SLC35F1: variants seen among roughly 807,000 people sequenced by gnomAD.
SLC35F1 encodes the protein solute carrier family 35 member F1.
Under a neutral mutation model 48.7 loss-of-function variants are expected in SLC35F1, and 14 were observed. That is an observed-to-expected ratio of 0.29 (90% CI 0.19 to 0.45). The LOEUF is 0.45. Ranked by LOEUF, SLC35F1 falls within the 20% of genes least tolerant of loss-of-function variation. The probability of loss-of-function intolerance (pLI) is 1.00; values close to 1 mark genes in which losing one functional copy is unlikely to be tolerated. For synonymous variants in SLC35F1, 190 were observed against 202.2 expected, an observed-to-expected ratio of 0.94 and a Z score of 0.51; for missense variants, 404 against 500.0, an observed-to-expected ratio of 0.81 and a Z score of 1.83.
chr6:118,235,613 T>A lies in SLC35F1; in HGVS notation c.454T>A (p.Tyr152Asn). 6.2e-7 allele frequency: 1 copy of A among 1,613,482 alleles called. No homozygotes were observed. The highest frequency in any genetic ancestry group is 8.5e-7 in the Non-Finnish European group (1 of 1,179,624). ...ANYLVVKAYQ[Y>N]TTLTSIQLLD... The stretch of plus-strand genomic sequence containing the variant: ...TTATCTGGTGGTCAAGGCTTACCAA[T>A]ACACAACTCTGACCAGTATCCAGGT... Residue 152 changes from tyrosine (Y) to asparagine (N), a missense_variant, in exon 3 of 8, where the codon TAC becomes AAC. Tyr to Asn is a moderately radical substitution (Grantham distance 143). Around this residue, in one of 2 missense-constraint regions of SLC35F1, gnomAD observed 306 missense variants for 419.1 expected, o/e 0.73. Transcript: ENST00000360388.
At chr6:118,204,470 C>G (rs1774909156) in intron 2 of SLC35F1, among the ~76,000 whole-genome samples, 1 of 152,090 alleles carries the variant, frequency 6.6e-6, no homozygotes, top group Non-Finnish European at 1.5e-5. Flanking sequence ...GATAAAGGGA[C>G]AAATGAAGCA....
intron 1 of SLC35F1, among the ~76,000 whole-genome samples, chr6:118,021,531 C>T (rs2114884671): frequency 6.6e-6 from 1 of 152,244 alleles, no homozygotes; most frequent in Non-Finnish European, 1.5e-5. Context: ...TACATAGCAG[C>T]AGAACTCAGG....
intron 1 of SLC35F1, among the ~76,000 whole-genome samples, chr6:118,048,907 T>G (rs914701131): frequency 1.3e-5 from 2 of 152,050 alleles, no homozygotes; most frequent in Admixed American, 6.5e-5. Context: ...CATCGCCAAG[T>G]CAATCCTAAG....
chr6:117,972,434 A>T (rs1201150568), intron 1 of SLC35F1, among the ~76,000 whole-genome samples: 2 of 152,226 alleles, frequency 1.3e-5, no homozygotes, highest in Non-Finnish European at 2.9e-5. Flanking sequence ...TGTTTACAGC[A>T]GTGCCCCCAC....
intron 2 of SLC35F1, among the ~76,000 whole-genome samples, chr6:118,228,645 G>T (rs888122443): frequency 6.6e-6 from 1 of 152,046 alleles, no homozygotes; most frequent in African/African-American, 2.4e-5. Context: ...AGTGAACCAA[G>T]ATCACACCAC....
chr6:118,077,065 A>G (rs1384931935), intron 1 of SLC35F1, among the ~76,000 whole-genome samples: 1 of 152,220 alleles, frequency 6.6e-6, no homozygotes, highest in Non-Finnish European at 1.5e-5. Flanking sequence ...TAATGAGTTG[A>G]CAGATTAATC....
intron 3 of SLC35F1, among the ~76,000 whole-genome samples, chr6:118,246,917 C>G (rs1169818991): frequency 2.0e-5 from 3 of 152,142 alleles, no homozygotes; most frequent in African/African-American, 7.2e-5. Flanking sequence ...ACAGTGCCCC[C>G]ACTGGTCTCC....
chr6:118,089,448 G>A (rs1773040572), intron 1 of SLC35F1, among the ~76,000 whole-genome samples: 1 of 152,170 alleles, frequency 6.6e-6, no homozygotes, highest in Non-Finnish European at 1.5e-5. Context: ...AAAGGAATTA[G>A]ATACTCATTA....
chr6:118,158,804 C>T (rs543369602), intron 2 of SLC35F1, among the ~76,000 whole-genome samples: 78 of 152,292 alleles, frequency 5.1e-4, no homozygotes, highest in African/African-American at 1.9e-3. Context: ...TTGATTCTTA[C>T]AAAAATTTGG....
At chr6:118,252,370 G>A (rs1227283444) in intron 3 of SLC35F1, among the ~76,000 whole-genome samples, 1 of 152,036 alleles carries the variant, frequency 6.6e-6, no homozygotes, top group Non-Finnish European at 1.5e-5. Flanking sequence ...TTCATAGAGG[G>A]GATAGGGGAA....
At chr6:118,287,675 TC>T (rs1167102695) in intron 7 of SLC35F1, among the ~76,000 whole-genome samples, 1 of 152,182 alleles carries the variant, frequency 6.6e-6, no homozygotes, top group Non-Finnish European at 1.5e-5. Flanking sequence ...AGAACCACTG[TC>T]TTTGATAACA....
chr6:117,923,665 A>ATACATATG (rs1650440937), intron 1 of SLC35F1, among the ~76,000 whole-genome samples: 3 of 52,610 alleles, frequency 5.7e-5, no homozygotes, highest in African/African-American at 9.5e-5. Flanking sequence ...ATATGTATAT[A>ATACATATG]TACATATATG....
chr6:118,276,086 A>G (rs1288607414), intron 5 of SLC35F1, among the ~76,000 whole-genome samples: 1 of 152,202 alleles, frequency 6.6e-6, no homozygotes, highest in Non-Finnish European at 1.5e-5. Flanking sequence ...TTTCAAATTT[A>G]TCTCTTAGAA....
At chr6:118,006,575 C>T (rs1777177125) in intron 1 of SLC35F1, among the ~76,000 whole-genome samples, 2 of 152,058 alleles carry the variant, frequency 1.3e-5, no homozygotes, top group African/African-American at 4.8e-5. Context: ...ACTGTGACCA[C>T]GCTACTGCAC....
Position 118,142,086 on chromosome 6 carries a change from G to A in SLC35F1, c.174-12359G>A, listed in dbSNP as rs185404934. Among the ~76,000 whole-genome samples, 9 of 152,138 alleles carry A rather than the reference G, an allele frequency of 5.9e-5. No individual in the cohort carries two copies. In the East Asian group the frequency reaches 9.7e-4, roughly 16 times the overall value. On this transcript the variant is annotated intron_variant, in intron 1 of 7. Transcript: ENST00000360388. The stretch of plus-strand genomic sequence containing the variant: ...AATTTAATGAGACTGCTTATTTTCC[G>A]AATAAAAATCTTAGGTTTATAATCT...
chr6:118,291,270 CACACACACACACACAT>C (rs1397149534), intron 7 of SLC35F1, among the ~76,000 whole-genome samples: 2 of 148,806 alleles, frequency 1.3e-5, no homozygotes, highest in African/African-American at 5.2e-5. Flanking sequence ...CACACACACA[CACACACACACACACAT>C]ATATAATAAC....
chr6:118,247,209 T>C (rs971542087), intron 3 of SLC35F1, among the ~76,000 whole-genome samples: 1 of 152,232 alleles, frequency 6.6e-6, no homozygotes, highest in Non-Finnish European at 1.5e-5. Flanking sequence ...CAAAGCCATC[T>C]AAGTGAAAGA....
intron 1 of SLC35F1, among the ~76,000 whole-genome samples, chr6:118,149,436 C>G (rs548690981): frequency 6.6e-6 from 1 of 152,260 alleles, no homozygotes; most frequent in Admixed American, 6.5e-5. Context: ...AGAATTTGAT[C>G]AGGGCAAGAT....
chr6:118,033,099 A>G (rs974217180), intron 1 of SLC35F1, among the ~76,000 whole-genome samples: 3 of 152,108 alleles, frequency 2.0e-5, no homozygotes, highest in African/African-American at 7.2e-5. Flanking sequence ...GCCTTCTCAC[A>G]TATATGTTCC....
Sources: gnomAD v4.1 joint callset for allele counts (sites outside exome capture counted in the v4.1 genomes callset) on GRCh38, gnomAD v4.1.1 for gene constraint, gnomAD v4.1.1 regional missense constraint, MANE v1.5 for transcripts, NCBI Gene and HGNC (gene_info 2026-07-23, HGNC 2026-07-21) for gene names.